ARL15: variants seen among roughly 807,000 people sequenced by gnomAD.
ARL15 encodes the protein ADP-ribosylation factor-like protein 15.
A neutral mutation model predicts 25.2 loss-of-function variants in ARL15; 19 were observed. The ratio of observed to expected loss-of-function variants is 0.75; its 90% CI spans 0.53 to 1.10. ARL15 has a LOEUF of 1.10. ARL15 is among the 50% of genes least tolerant of loss of function. The pLI, the probability that ARL15 is intolerant of heterozygous loss-of-function variation, is 0.00. For missense variants in ARL15, 220 were observed against 246.0 expected (o/e 0.89, Z 0.71); for synonymous variants, 94 against 86.8 (o/e 1.08, Z -0.46).
chr5:54,247,222 GTT>G (rs34487160), intron 1 of ARL15, among the ~76,000 whole-genome samples: 17 of 146,110 alleles, frequency 1.2e-4, no homozygotes, highest in East Asian at 4.0e-4. Context: ...TTAAAGTTTT[GTT>G]TTTTTTTTTT....
chr5:53,934,042 G>A (rs1273707272), intron 4 of ARL15, among the ~76,000 whole-genome samples: 1 of 152,164 alleles, frequency 6.6e-6, no homozygotes, highest in Non-Finnish European at 1.5e-5. Flanking sequence ...CTGGGGTTCT[G>A]TTGAAATATT....
At chr5:53,934,577 T>C (rs769814503) in intron 4 of ARL15, among the ~76,000 whole-genome samples, 5 of 152,188 alleles carry the variant, frequency 3.3e-5, no homozygotes, top group South Asian at 2.1e-4. Flanking sequence ...GGGAGACCAG[T>C]TGCAATAGAA....
At chr5:54,022,323 C>T (rs762030315) in intron 4 of ARL15, among the ~76,000 whole-genome samples, 51 of 152,170 alleles carry the variant, frequency 3.4e-4, no homozygotes, top group Non-Finnish European at 3.5e-4. Context: ...ACCTTCTCCT[C>T]ACCCTCCTCC....
At chr5:54,200,509 G>T (rs1420833524) in intron 1 of ARL15, among the ~76,000 whole-genome samples, 1 of 144,766 alleles carries the variant, frequency 6.9e-6, no homozygotes, top group African/African-American at 2.7e-5. Context: ...CTGGCAATAA[G>T]AAACAGGCTA....
intron 4 of ARL15, among the ~76,000 whole-genome samples, chr5:54,021,344 TAAACAA>T (rs941505445): frequency 2.0e-5 from 3 of 151,380 alleles, no homozygotes; most frequent in Non-Finnish European, 4.4e-5. Context: ...TCAAAAAACA[TAAACAA>T]AAACAAAAAA....
chr5:54,179,083 T>C (rs1312657976), intron 1 of ARL15, among the ~76,000 whole-genome samples: 2 of 152,210 alleles, frequency 1.3e-5, no homozygotes, highest in Non-Finnish European at 2.9e-5. Flanking sequence ...CTTGCCTACG[T>C]GGAACAGGAT....
At chr5:54,111,220 A>C (rs1331734362) in intron 4 of ARL15, among the ~76,000 whole-genome samples, 1 of 152,068 alleles carries the variant, frequency 6.6e-6, no homozygotes, top group Non-Finnish European at 1.5e-5. Context: ...GAGAAAAGTA[A>C]ATTTAAAATG....
At chr5:54,122,169 C>T (rs1753100973) in intron 3 of ARL15, among the ~76,000 whole-genome samples, 1 of 152,232 alleles carries the variant, frequency 6.6e-6, no homozygotes, top group Admixed American at 6.5e-5. Flanking sequence ...TCTCCTATGT[C>T]CTGTATCACC....
At chr5:54,288,339 C>T (rs1186042687) in intron 1 of ARL15, among the ~76,000 whole-genome samples, 4 of 152,222 alleles carry the variant, frequency 2.6e-5, no homozygotes, top group Admixed American at 2.6e-4. Context: ...TGCCCTTTCA[C>T]CATCCAGCTA....
intron 4 of ARL15, among the ~76,000 whole-genome samples, chr5:53,977,226 G>T (rs1489075157): frequency 6.6e-6 from 1 of 151,870 alleles, no homozygotes; most frequent in African/African-American, 2.4e-5. Context: ...GCGTGGTGGC[G>T]GGCGCCTGTA....
At chr5:54,229,238 G>A (rs775117844) in intron 1 of ARL15, among the ~76,000 whole-genome samples, 25 of 152,128 alleles carry the variant, frequency 1.6e-4, no homozygotes, top group Non-Finnish European at 3.2e-4. Context: ...GTCAGCTAAC[G>A]ACATCAAGTT....
intron 4 of ARL15, among the ~76,000 whole-genome samples, chr5:53,998,325 G>A (rs1012059024): frequency 1.5e-4 from 22 of 150,692 alleles, no homozygotes; most frequent in Admixed American, 7.3e-4. Flanking sequence ...CTAACACCAG[G>A]ACTAATGGAA....
At chr5:54,256,592 G>A (rs1757373763) in intron 1 of ARL15, among the ~76,000 whole-genome samples, 2 of 137,174 alleles carry the variant, frequency 1.5e-5, no homozygotes, top group South Asian at 2.3e-4. Context: ...TACCCTGATA[G>A]CAAAAGCATG....
intron 4 of ARL15, among the ~76,000 whole-genome samples, chr5:54,093,174 A>G (rs994823821): frequency 3.3e-5 from 5 of 152,214 alleles, no homozygotes; most frequent in Non-Finnish European, 7.3e-5. Context: ...GTAATCACTG[A>G]GAATGGTGTC....
At chr5:54,236,407 G>GACACACAC (rs72439978) in intron 1 of ARL15, among the ~76,000 whole-genome samples, 74 of 140,742 alleles carry the variant, frequency 5.3e-4, no homozygotes, top group African/African-American at 1.4e-3. Flanking sequence ...ACTAAACACA[G>GACACACAC]ACACACACAC....
intron 4 of ARL15, among the ~76,000 whole-genome samples, chr5:53,979,175 C>A (rs555954099): frequency 6.6e-6 from 1 of 152,218 alleles, no homozygotes; most frequent in Non-Finnish European, 1.5e-5. Flanking sequence ...GATTATTATA[C>A]GTTACAATAC....
At chr5:54,253,140 C>T (rs1294294695) in intron 1 of ARL15, among the ~76,000 whole-genome samples, 3 of 152,060 alleles carry the variant, frequency 2.0e-5, no homozygotes, top group Non-Finnish European at 4.4e-5. Context: ...ATTGGCTATA[C>T]ATTGTTGAAC....
At chr5:53,889,022 A>G (rs1487144458) in intron 4 of ARL15, among the ~76,000 whole-genome samples, 1 of 152,166 alleles carries the variant, frequency 6.6e-6, no homozygotes, top group Admixed American at 6.5e-5. Flanking sequence ...CTAGTACATA[A>G]AGGAAGTTGT....
At position 53,948,207 on chromosome 5, in the gene ARL15, G is replaced by A. The variant is rs116278244; in HGVS notation, c.463-61494C>T. Among the ~76,000 whole-genome samples the A allele has an allele frequency of 4.9e-3, 748 of 152,266 alleles. 2 individuals carry two copies. The highest frequency in any genetic ancestry group is 9.0e-3 in the Admixed American group (138 of 15,298). On this transcript the variant is annotated intron_variant, in intron 4 of 4. Transcript: ENST00000504924. The stretch of plus-strand genomic sequence containing the variant: ...CAAATTAAGGCAATTTGGGAACAGA[G>A]GACAGATAATGACAAACAAATGTAA...
Sources: allele counts gnomAD v4.1 joint callset (sites outside exome capture counted in the v4.1 genomes callset), GRCh38; gene constraint gnomAD v4.1.1; transcripts MANE v1.5; gene names NCBI Gene and HGNC (gene_info 2026-07-23, HGNC 2026-07-21).